CDC73: variants seen among roughly 807,000 people sequenced by gnomAD.
CDC73 encodes the protein parafibromin.
CDC73 carries 21 observed loss-of-function variants against 83.7 expected under a neutral mutation model. The observed-to-expected ratio is 0.25, with a 90% CI of 0.18 to 0.36. The LOEUF (loss-of-function observed/expected upper bound fraction) is 0.36. Among genes scored for constraint, CDC73 ranks in the 10% least tolerant of loss-of-function variants. CDC73 has a pLI of 1.00. For synonymous variants in CDC73, 224 were observed against 212.9 expected (o/e 1.05, Z -0.45); for missense variants, 342 against 653.3 (o/e 0.52, Z 5.19).
intron 15 of CDC73, among the ~76,000 whole-genome samples, chr1:193,244,759 C>G (rs375396818): frequency 6.6e-6 from 1 of 152,110 alleles, no homozygotes; most frequent in East Asian, 1.9e-4. Flanking sequence ...TTGAGAACCC[C>G]TCTCTAAATA....
At chr1:193,242,093 G>GCAGGTTTGCAGGGGTTGGGGGGCTGTCTT (rs767499384) in intron 15 of CDC73, among the ~76,000 whole-genome samples, 4,024 of 151,988 alleles carry the variant, frequency 0.026, 92 homozygotes, top group Non-Finnish European at 0.042. Context: ...ATCATTGTCT[G>GCAGGTTTGCAGGGGTTGGGGGGCTGTCTT]CAGGTTTGCA....
At chr1:193,176,841 T>C (rs1676611606) in intron 10 of CDC73, among the ~76,000 whole-genome samples, 1 of 152,138 alleles carries the variant, frequency 6.6e-6, no homozygotes, top group Non-Finnish European at 1.5e-5. Context: ...TATTAAAAAT[T>C]AGCAGTTGTT....
intron 10 of CDC73, among the ~76,000 whole-genome samples, chr1:193,196,756 G>C (rs966154029): frequency 6.6e-5 from 10 of 152,044 alleles, no homozygotes; most frequent in African/African-American, 2.4e-4. Context: ...ACCATCTATT[G>C]TTAGTGTATA....
intron 10 of CDC73, among the ~76,000 whole-genome samples, chr1:193,178,042 CAT>C (rs899745659): frequency 6.6e-6 from 1 of 152,226 alleles, no homozygotes; most frequent in Middle Eastern, 3.4e-3. Context: ...ATAAAAATCA[CAT>C]AGTGTCGGGA....
chr1:193,122,553 A>G (rs1307918389), intron 1 of CDC73: 8 of 534,222 alleles, frequency 1.5e-5, no homozygotes, highest in South Asian at 2.0e-5. Context: ...TGAGAAGCCC[A>G]AAGGAAAGGT....
At chr1:193,221,747 C>T (rs1677473823) in intron 13 of CDC73, among the ~76,000 whole-genome samples, 1 of 152,150 alleles carries the variant, frequency 6.6e-6, no homozygotes, top group Non-Finnish European at 1.5e-5. Context: ...ATTAAACAGA[C>T]CACATTCTTA....
intron 10 of CDC73, among the ~76,000 whole-genome samples, chr1:193,168,843 G>C (rs961219822): frequency 6.6e-6 from 1 of 152,196 alleles, no homozygotes; most frequent in Non-Finnish European, 1.5e-5. Flanking sequence ...CTGTTTTAAA[G>C]GCAGTCATCG....
At chr1:193,247,985 T>C (rs137999976) in intron 15 of CDC73, among the ~76,000 whole-genome samples, 286 of 152,244 alleles carry the variant, frequency 1.9e-3, no homozygotes, top group African/African-American at 6.5e-3. Context: ...ATTGATGAAG[T>C]TGACTACACT....
intron 10 of CDC73, among the ~76,000 whole-genome samples, chr1:193,153,419 A>C (rs1676155354): frequency 6.6e-6 from 1 of 152,212 alleles, no homozygotes; most frequent in Admixed American, 6.5e-5. Flanking sequence ...CATGTGTATT[A>C]AATAGAGTAT....
intron 6 of CDC73, among the ~76,000 whole-genome samples, chr1:193,139,002 C>G (rs1462869627): frequency 1.3e-5 from 2 of 151,892 alleles, no homozygotes; most frequent in African/African-American, 4.8e-5. Flanking sequence ...TCTCAAACTC[C>G]TGAACTCGTG....
At chr1:193,222,280 T>C (rs1677485734) in intron 13 of CDC73, among the ~76,000 whole-genome samples, 1 of 152,176 alleles carries the variant, frequency 6.6e-6, no homozygotes, top group South Asian at 2.1e-4. Flanking sequence ...TCAGACGCTA[T>C]GTAGAGGGTT....
chr1:193,178,690 G>A (rs10921325), intron 10 of CDC73, among the ~76,000 whole-genome samples: 109,522 of 151,470 alleles, frequency 0.72, 39,837 homozygotes, highest in South Asian at 0.82. Context: ...TGAAAGACAG[G>A]CTTGATCCAA....
chr1:193,152,293 C>T (rs995615441), intron 9 of CDC73, 87 bp from the exon 10 acceptor site: 1 of 814,490 alleles, frequency 1.2e-6, no homozygotes, highest in Admixed American at 1.9e-5. Context: ...CCATCACATT[C>T]AATGTAGATT....
chr1:193,227,220 C>G (rs1677581297), intron 13 of CDC73, among the ~76,000 whole-genome samples: 1 of 151,848 alleles, frequency 6.6e-6, no homozygotes, highest in African/African-American at 2.4e-5. Context: ...TTTATCTTTT[C>G]TATTTTTTTA....
chr1:193,241,558 C>A (rs1230880739), intron 15 of CDC73, among the ~76,000 whole-genome samples: 1 of 152,152 alleles, frequency 6.6e-6, no homozygotes, highest in Non-Finnish European at 1.5e-5. Flanking sequence ...AGTGAAGGGG[C>A]AACCTCTGGC....
intron 7 of CDC73, among the ~76,000 whole-genome samples, chr1:193,145,515 T>C (rs1300700136): frequency 6.6e-6 from 1 of 151,914 alleles, no homozygotes; most frequent in Admixed American, 6.6e-5. Context: ...CCACTCTTTC[T>C]TGTCATTACT....
chr1:193,202,396 A>G (rs578027085), intron 10 of CDC73, among the ~76,000 whole-genome samples: 76 of 151,464 alleles, frequency 5.0e-4, no homozygotes, highest in South Asian at 2.9e-3. Flanking sequence ...TCTCCACCTT[A>G]TGACTCACTT....
At chr1:193,179,536 T>A (rs934636132) in intron 10 of CDC73, 1 of 152,646 alleles carries the variant, frequency 6.6e-6, no homozygotes, top group Admixed American at 6.5e-5. Context: ...AATAGGAGTT[T>A]GGTTCTTAAC....
chr1:193,203,928 G>C lies in CDC73; in HGVS notation c.1030+76G>C, dbSNP rs544565459. The C allele has an allele frequency of 3.4e-6, 4 of 1,175,116 alleles. No homozygotes were observed. In the East Asian group the frequency reaches 9.5e-5, roughly 28 times the overall value. 72.8% of individuals were successfully genotyped at this position (1,175,116 alleles called of 1,614,324 possible). ...TGCAAGTTTTTAGTATGCGTATAATGCTTTGAACAAACTTAAATTTTACTT... is the reference window on the plus strand; with the variant it reads ...TGCAAGTTTTTAGTATGCGTATAATCCTTTGAACAAACTTAAATTTTACTT... On this transcript the variant is annotated intron_variant, in intron 11 of 16. Transcript: ENST00000367435.
Sources: gnomAD v4.1 joint callset for allele counts (sites outside exome capture counted in the v4.1 genomes callset) on GRCh38, gnomAD v4.1.1 for gene constraint, MANE v1.5 for transcripts, NCBI Gene and HGNC (gene_info 2026-07-23, HGNC 2026-07-21) for gene names.